Variants in AGMO observed in about 807,000 individuals in gnomAD.
The protein encoded by AGMO is alkylglycerol monooxygenase, also known as glyceryl-ether monooxygenase.
AGMO carries 75 observed loss-of-function variants against 60.2 expected under a neutral mutation model. The observed-to-expected ratio is 1.25, with a 90% CI of 1.03 to 1.51. The LOEUF (loss-of-function observed/expected upper bound fraction) is 1.51, where lower values mean the gene tolerates loss of function less well. Ranked by LOEUF, AGMO falls within the 40% of genes most tolerant of loss-of-function variation. AGMO has a pLI of 0.00. For synonymous variants in AGMO, 261 were observed against 177.1 expected (o/e 1.47, Z -3.76); for missense variants, 763 against 525.5 (o/e 1.45, Z -4.42).
intron 12 of AGMO, among the ~76,000 whole-genome samples, chr7:15,280,805 A>T (rs1377670618): frequency 1.3e-5 from 2 of 152,176 alleles, no homozygotes; most frequent in Non-Finnish European, 2.9e-5. Context: ...GAGTTTGTCC[A>T]TGTGACCAGT....
At chr7:15,465,326 A>T (rs1032341856) in intron 3 of AGMO, among the ~76,000 whole-genome samples, 1 of 150,728 alleles carries the variant, frequency 6.6e-6, no homozygotes, top group African/African-American at 2.4e-5. Flanking sequence ...CCGAAATTAG[A>T]GTGTGTGTGT....
chr7:15,427,784 T>C (rs1034093108), intron 4 of AGMO, among the ~76,000 whole-genome samples: 1 of 152,118 alleles, frequency 6.6e-6, no homozygotes, highest in African/African-American at 2.4e-5. Context: ...AAACCATATA[T>C]TGCAGTGTAT....
chr7:15,507,527 G>C (rs997895951), intron 3 of AGMO, among the ~76,000 whole-genome samples: 1 of 151,978 alleles, frequency 6.6e-6, no homozygotes, highest in Non-Finnish European at 1.5e-5. Context: ...AGAGAGACAC[G>C]ATGCCTTCAA....
chr7:15,328,594 C>T lies in AGMO; in HGVS notation c.1263+36920G>A, dbSNP rs546978575. On this transcript the variant is annotated intron_variant, in intron 12 of 12. Transcript: ENST00000342526. Reference sequence around the variant, plus strand: ...CCATAGCTAAAAGGGTCTTATTTTGCTATGCCTCATGCCCGGAAGCAGCCA... The same window carrying T: ...CCATAGCTAAAAGGGTCTTATTTTGTTATGCCTCATGCCCGGAAGCAGCCA... Among the ~76,000 whole-genome samples, 5 of 152,242 alleles carry T rather than the reference C, an allele frequency of 3.3e-5. No individual in the cohort carries two copies. The South Asian group carries it at 1.0e-3, about 32-fold the overall frequency.
Position 15,431,237 on chromosome 7 carries a change from T to C in AGMO, c.410-129A>G, listed in dbSNP as rs73288422. On this transcript the variant is annotated intron_variant, in intron 3 of 12. Transcript: ENST00000342526. Reference sequence around the variant, plus strand: ...ACATCTCTGTAAAAGCTGGCCAATATAATTATAATTAAAATATGCTGCCTG... The same window carrying C: ...ACATCTCTGTAAAAGCTGGCCAATACAATTATAATTAAAATATGCTGCCTG... The C allele has an allele frequency of 0.012, 7,724 of 626,898 alleles. 433 individuals carry two copies. The African/African-American group carries it at 0.13, about 11-fold the overall frequency. The allele number at this position is 626,898 out of a possible 1,614,324, so 38.8% of individuals were successfully genotyped here. A position where few individuals can be genotyped will look rare whatever the true frequency, so the allele number is the denominator to read the frequency against.
At chr7:15,198,823 T>C (rs781322423), downstream of AGMO, among the ~76,000 whole-genome samples, 16 of 152,114 alleles carry the variant, frequency 1.1e-4, no homozygotes, top group Non-Finnish European at 1.5e-4. Context: ...GTGCAGGAGC[T>C]GAAAAATATC....
intron 3 of AGMO, among the ~76,000 whole-genome samples, chr7:15,462,843 T>A (rs894225949): frequency 6.6e-6 from 1 of 152,094 alleles, no homozygotes; most frequent in Non-Finnish European, 1.5e-5. Context: ...GTGAACAAAG[T>A]AGAATCACTC....
chr7:15,523,595 C>T (rs1172218576), intron 3 of AGMO, among the ~76,000 whole-genome samples: 1 of 152,128 alleles, frequency 6.6e-6, no homozygotes, highest in African/African-American at 2.4e-5. Flanking sequence ...GAAAACCAAA[C>T]ACTGCATGTT....
chr7:15,296,181 C>A (rs1007538427), intron 12 of AGMO, among the ~76,000 whole-genome samples: 1 of 152,008 alleles, frequency 6.6e-6, no homozygotes, highest in African/African-American at 2.4e-5. Context: ...AACTTCTCAA[C>A]CAATATAGTG....
chr7:15,298,160 A>C (rs557104602), intron 12 of AGMO, among the ~76,000 whole-genome samples: 1 of 151,984 alleles, frequency 6.6e-6, no homozygotes, highest in South Asian at 2.1e-4. Flanking sequence ...CTACTTGTGT[A>C]TAACAAGCAT....
the AGMO span, among the ~76,000 whole-genome samples, chr7:15,141,261 C>T: frequency 1.3e-5 from 2 of 151,950 alleles, no homozygotes; most frequent in Non-Finnish European, 2.9e-5. Context: ...TTGGAGACTT[C>T]TGATTAATTA....
At chr7:15,291,849 A>C (rs1019517926) in intron 12 of AGMO, among the ~76,000 whole-genome samples, 6 of 152,196 alleles carry the variant, frequency 3.9e-5, no homozygotes, top group Non-Finnish European at 2.9e-5. Context: ...ATGAAGGCAA[A>C]ACAGGAGCTT....
chr7:15,272,948 C>G (rs1337774641), intron 12 of AGMO, among the ~76,000 whole-genome samples: 1 of 152,152 alleles, frequency 6.6e-6, no homozygotes, highest in Non-Finnish European at 1.5e-5. Flanking sequence ...CGAGAAGTGT[C>G]TGTTCATATC....
intron 3 of AGMO, among the ~76,000 whole-genome samples, chr7:15,479,430 T>C (rs573631740): frequency 5.9e-5 from 9 of 152,298 alleles, no homozygotes; most frequent in African/African-American, 1.9e-4. Flanking sequence ...TCACTCGCCT[T>C]AAGGTCGTAA....
At chr7:15,119,927 C>T in the AGMO span, among the ~76,000 whole-genome samples, 1 of 121,272 alleles carries the variant, frequency 8.2e-6, no homozygotes, top group African/African-American at 3.5e-5. Flanking sequence ...ATAAATCATG[C>T]ATGCTTTTTT....
chr7:15,267,906 G>C (rs1238334656), intron 12 of AGMO, among the ~76,000 whole-genome samples: 1 of 151,888 alleles, frequency 6.6e-6, no homozygotes, highest in African/African-American at 2.4e-5. Context: ...AGTAATGCCA[G>C]AGAAAATGTT....
At chr7:15,447,662 T>C (rs952811595) in intron 3 of AGMO, among the ~76,000 whole-genome samples, 1 of 152,102 alleles carries the variant, frequency 6.6e-6, no homozygotes, top group Non-Finnish European at 1.5e-5. Context: ...GTGATTCTCC[T>C]GCCTGAGCCT....
rs1263470603 is a variant in AGMO, at chr7:15,530,788, A to G, written c.409+13984T>C. ...ATATACATTTCTATATATATTCTATATATACATTTCTCTATATATTCTATA... is the reference window on the plus strand; with the variant it reads ...ATATACATTTCTATATATATTCTATGTATACATTTCTCTATATATTCTATA... On this transcript the variant is annotated intron_variant, in intron 3 of 12. Coordinates refer to ENST00000342526, the MANE Select transcript of AGMO (RefSeq NM_001004320.2). Among the ~76,000 whole-genome samples the G allele has an allele frequency of 1.4e-4, 17 of 118,324 alleles. No homozygotes were observed. The East Asian group carries it at 3.1e-3, about 21-fold the overall frequency. 77.6% of individuals were successfully genotyped at this position (118,324 alleles called of 152,430 possible). A position where few individuals can be genotyped will look rare whatever the true frequency, so the allele number is the denominator to read the frequency against.
At chr7:15,352,953 G>A (rs79484070) in intron 12 of AGMO, among the ~76,000 whole-genome samples, 1 of 151,914 alleles carries the variant, frequency 6.6e-6, no homozygotes, top group African/African-American at 2.4e-5. Flanking sequence ...CAAACGCAGC[G>A]GCCATCTTGT....
Sources: gnomAD v4.1 joint callset for allele counts (sites outside exome capture counted in the v4.1 genomes callset) on GRCh38, gnomAD v4.1.1 for gene constraint, MANE v1.5 for transcripts, NCBI Gene and HGNC (gene_info 2026-07-23, HGNC 2026-07-21) for gene names.